The following NAV3 variants were observed in gnomAD, a reference collection of about 807,000 sequenced individuals.
The protein encoded by NAV3 is neuron navigator 3, also known as pore membrane and/or filament interacting like protein 1.
A neutral mutation model predicts 244.7 loss-of-function variants in NAV3; 87 were observed. The observed-to-expected ratio is 0.36, with a 90% confidence interval of 0.30 to 0.42. The LOEUF (loss-of-function observed/expected upper bound fraction) is 0.42. Ranked by LOEUF, NAV3 falls within the 20% of genes least tolerant of loss-of-function variation. The pLI, the probability that NAV3 is intolerant of heterozygous loss-of-function variation, is 1.00. For synonymous variants in NAV3, 1,126 were observed against 1,042.2 expected (o/e 1.08, Z -1.55); for missense variants, 2,663 against 2,893.3 (o/e 0.92, Z 1.83).
chr12:77,860,639 A>T (rs549765877), intron 1 of NAV3, among the ~76,000 whole-genome samples: 1 of 151,996 alleles, frequency 6.6e-6, no homozygotes, highest in East Asian at 1.9e-4. Context: ...TATTTTTGCT[A>T]AACAAGATTG....
chr12:77,904,637 G>A (rs1229347557), intron 1 of NAV3, among the ~76,000 whole-genome samples: 1 of 151,896 alleles, frequency 6.6e-6, no homozygotes, highest in Non-Finnish European at 1.5e-5. Flanking sequence ...AAAACTTAAA[G>A]TATAATTTTT....
intron 1 of NAV3, among the ~76,000 whole-genome samples, chr12:77,919,722 T>C (rs1388978483): frequency 6.6e-6 from 1 of 152,078 alleles, no homozygotes; most frequent in African/African-American, 2.4e-5. Flanking sequence ...AGAATAGGCA[T>C]GCTTTCATTG....
chr12:78,010,955 C>T (rs955221308), intron 8 of NAV3: 4 of 152,050 alleles, frequency 2.6e-5, no homozygotes, highest in African/African-American at 7.2e-5. Context: ...AATAGATTTC[C>T]TATTAGCCTA....
intron 12 of NAV3, among the ~76,000 whole-genome samples, chr12:78,066,147 A>T (rs1593448661): frequency 1.3e-5 from 2 of 152,192 alleles, no homozygotes; most frequent in South Asian, 4.1e-4. Context: ...TACATCAAAA[A>T]GTCAGCTGCC....
At chr12:77,986,979 A>C (rs1237644802) in intron 5 of NAV3, among the ~76,000 whole-genome samples, 2 of 152,186 alleles carry the variant, frequency 1.3e-5, no homozygotes, top group African/African-American at 4.8e-5. Flanking sequence ...ATTGCTAAAA[A>C]TTTTAAATGA....
chr12:77,946,673 T>G (rs1016260121), intron 3 of NAV3, among the ~76,000 whole-genome samples: 1 of 152,062 alleles, frequency 6.6e-6, no homozygotes, highest in Non-Finnish European at 1.5e-5. Flanking sequence ...TTTGGTGAGC[T>G]TACATGAGGA....
At chr12:78,146,000 G>A (rs1956847783) in intron 20 of NAV3, among the ~76,000 whole-genome samples, 1 of 152,046 alleles carries the variant, frequency 6.6e-6, no homozygotes, top group African/African-American at 2.4e-5. Flanking sequence ...CTGTATGAAA[G>A]ATACTTCAAT....
intron 36 of NAV3, 51 bp downstream of exon 36, chr12:78,198,727 G>A (rs753934887): frequency 5.8e-6 from 6 of 1,039,656 alleles, no homozygotes; most frequent in Non-Finnish European, 4.3e-6. Flanking sequence ...TTTGTGTTGG[G>A]GGGGGCAGGG....
chr12:77,581,632 G>A (rs1400499300), intron 2 of NAV3, among the ~76,000 whole-genome samples: 5 of 152,184 alleles, frequency 3.3e-5, no homozygotes, highest in African/African-American at 7.2e-5. Context: ...CAGTAAACTC[G>A]CCAGGTTTTG....
chr12:78,173,528 A>G (rs1281471875), intron 24 of NAV3, among the ~76,000 whole-genome samples: 2 of 151,064 alleles, frequency 1.3e-5, no homozygotes, highest in Non-Finnish European at 3.0e-5. Context: ...TTAAAGCACT[A>G]AGAAATACCT....
intron 1 of NAV3, among the ~76,000 whole-genome samples, chr12:77,849,951 T>A (rs1877255412): frequency 6.6e-6 from 1 of 152,142 alleles, no homozygotes; most frequent in Admixed American, 6.5e-5. Flanking sequence ...AAATTAAGAC[T>A]CGGCAGATTG....
intron 12 of NAV3, among the ~76,000 whole-genome samples, chr12:78,097,674 T>C (rs444008): frequency 1.3e-5 from 2 of 152,124 alleles, no homozygotes; most frequent in African/African-American, 4.8e-5. Flanking sequence ...TTTAATAATA[T>C]TTTCCTTTTA....
chr12:78,202,368 A>G (rs985425748), intron 38 of NAV3, among the ~76,000 whole-genome samples: 9 of 152,088 alleles, frequency 5.9e-5, no homozygotes, highest in Admixed American at 5.2e-4. Flanking sequence ...TCCTCATTTA[A>G]TATTTGTTTA....
chr12:77,732,281 G>T (rs1877157049), intron 2 of NAV3, among the ~76,000 whole-genome samples: 1 of 151,842 alleles, frequency 6.6e-6, no homozygotes, highest in African/African-American at 2.4e-5. Context: ...GAATGAATAA[G>T]AACAGATGAG....
chr12:77,712,094 G>T (rs1004512559), intron 2 of NAV3, among the ~76,000 whole-genome samples: 2 of 152,146 alleles, frequency 1.3e-5, no homozygotes, highest in African/African-American at 4.8e-5. Context: ...GACAACAGGA[G>T]TTTTAGCTGT....
At chr12:78,146,161 C>T (rs1223473515) in intron 20 of NAV3, among the ~76,000 whole-genome samples, 1 of 151,676 alleles carries the variant, frequency 6.6e-6, no homozygotes, top group Non-Finnish European at 1.5e-5. Context: ...TTAAGAATAC[C>T]TTATGGTTTA....
intron 2 of NAV3, among the ~76,000 whole-genome samples, chr12:77,692,741 AAT>A (rs907895558): frequency 6.6e-6 from 1 of 151,846 alleles, no homozygotes; most frequent in African/African-American, 2.4e-5. Context: ...CAAAAGAAAT[AAT>A]AGTGTGCAAA....
intron 2 of NAV3, among the ~76,000 whole-genome samples, chr12:77,753,248 GA>G (rs538908893): frequency 1.1e-3 from 162 of 152,266 alleles, no homozygotes; most frequent in African/African-American, 3.9e-3. Flanking sequence ...TCTACGCAGT[GA>G]AGAAAACTAC....
chr12:78,127,905 A>C (rs1955988897), intron 17 of NAV3, among the ~76,000 whole-genome samples: 1 of 152,174 alleles, frequency 6.6e-6, no homozygotes, highest in Admixed American at 6.5e-5. Flanking sequence ...ATAAAAATTT[A>C]ACTTATGGCC....
Sources: allele counts gnomAD v4.1 joint callset (sites outside exome capture counted in the v4.1 genomes callset), GRCh38; gene constraint gnomAD v4.1.1; transcripts MANE v1.5; gene names NCBI Gene and HGNC (gene_info 2026-07-23, HGNC 2026-07-21).